RFC3: variants seen among roughly 807,000 people sequenced by gnomAD.
RFC3 encodes A1 38 kDa subunit.
In RFC3, 41 loss-of-function variants were observed where a neutral mutation model predicts 45.1. The ratio of observed to expected loss-of-function variants is 0.91; its 90% CI spans 0.71 to 1.18. The LOEUF (loss-of-function observed/expected upper bound fraction) is 1.18. Among genes scored for constraint, RFC3 ranks in the 50% most tolerant of loss-of-function variants. The pLI is 0.00. For synonymous variants in RFC3, 149 were observed against 144.0 expected (o/e 1.03, Z -0.25); for missense variants, 423 against 428.1 (o/e 0.99, Z 0.10).
chr13:33,834,165 T>TC (rs1467219893), intron 7 of RFC3, among the ~76,000 whole-genome samples: 4 of 150,066 alleles, frequency 2.7e-5, no homozygotes, highest in Admixed American at 6.7e-5. Context: ...TTTTTTTTTT[T>TC]CCCCCACTTT....
At chr13:33,897,310 A>G (rs1308828361) in intron 8 of RFC3, among the ~76,000 whole-genome samples, 3 of 151,968 alleles carry the variant, frequency 2.0e-5, no homozygotes, top group African/African-American at 4.8e-5. Context: ...CTTTGTTTCT[A>G]TTTTTTGTGT....
At chr13:33,865,354 T>C (rs2082366580) in intron 8 of RFC3, among the ~76,000 whole-genome samples, 1 of 152,224 alleles carries the variant, frequency 6.6e-6, no homozygotes, top group African/African-American at 2.4e-5. Flanking sequence ...TCCTTTGTGC[T>C]CACCCTCTCT....
intron 8 of RFC3, among the ~76,000 whole-genome samples, chr13:33,866,018 C>T (rs1312889558): frequency 6.6e-6 from 1 of 152,126 alleles, no homozygotes; most frequent in Non-Finnish European, 1.5e-5. Context: ...GAGATCATGC[C>T]ATTGCACTCC....
intron 8 of RFC3, among the ~76,000 whole-genome samples, chr13:33,949,847 G>T (rs535030487): frequency 2.0e-5 from 3 of 152,192 alleles, no homozygotes; most frequent in Admixed American, 1.3e-4. Flanking sequence ...AGGTAAGAGA[G>T]AATTTCTCTT....
intron 8 of RFC3, among the ~76,000 whole-genome samples, chr13:33,958,767 A>T (rs1378489541): frequency 1.3e-5 from 2 of 152,172 alleles, no homozygotes; most frequent in Admixed American, 1.3e-4. Context: ...CCTTACTTGC[A>T]GAGATGAATA....
chr13:33,917,864 A>C lies in RFC3; in HGVS notation c.880-48223A>C, dbSNP rs80158548. On this transcript the variant is annotated intron_variant, in intron 8 of 8. Transcript: ENST00000434425. The stretch of plus-strand genomic sequence containing the variant: ...CCACTTGAATTTTGTTTAAAAAAAA[A>C]CAAACAAACAGGAAACCTTCACTTG... 3.6e-3 allele frequency among the ~76,000 whole-genome samples: 546 copies of C among 152,068 alleles called. 1 individual carries two copies. The highest frequency in any genetic ancestry group is 6.4e-3 in the Admixed American group (97 of 15,252).
At chr13:33,888,968 T>C (rs2082546057) in intron 8 of RFC3, among the ~76,000 whole-genome samples, 1 of 152,116 alleles carries the variant, frequency 6.6e-6, no homozygotes, top group Non-Finnish European at 1.5e-5. Context: ...ATGGTCTCAA[T>C]CTCCTGACCT....
At chr13:33,820,543 A>G (rs1430757232) in intron 1 of RFC3, among the ~76,000 whole-genome samples, 1 of 152,170 alleles carries the variant, frequency 6.6e-6, no homozygotes, top group Non-Finnish European at 1.5e-5. Context: ...TCAACTTGAC[A>G]ACACACTCTT....
the RFC3 span, among the ~76,000 whole-genome samples, chr13:33,975,021 A>G: frequency 6.6e-6 from 1 of 152,226 alleles, no homozygotes; most frequent in Admixed American, 6.5e-5. Flanking sequence ...TTGTCTTACC[A>G]TATAATCCAG....
chr13:33,885,704 C>G (rs928790920), intron 8 of RFC3, among the ~76,000 whole-genome samples: 1 of 152,156 alleles, frequency 6.6e-6, no homozygotes, highest in South Asian at 2.1e-4. Context: ...ATTATTAACA[C>G]TCAAGTGCAG....
At chr13:33,845,514 C>T (rs768686008) in intron 8 of RFC3, among the ~76,000 whole-genome samples, 1 of 152,070 alleles carries the variant, frequency 6.6e-6, no homozygotes, top group African/African-American at 2.4e-5. Flanking sequence ...AGCCTGTCTT[C>T]AAGCTCATTA....
intron 8 of RFC3, among the ~76,000 whole-genome samples, chr13:33,876,131 A>G (rs1012382306): frequency 6.6e-6 from 1 of 152,006 alleles, no homozygotes; most frequent in African/African-American, 2.4e-5. Flanking sequence ...GTATTATTTC[A>G]GTTCCCACTC....
chr13:33,924,035 T>C (rs1234378564), intron 8 of RFC3, among the ~76,000 whole-genome samples: 1 of 152,098 alleles, frequency 6.6e-6, no homozygotes, highest in East Asian at 1.9e-4. Context: ...TTTCTTAGAC[T>C]TCTGGTTCAG....
chr13:33,943,103 T>C (rs1044726752), intron 8 of RFC3, among the ~76,000 whole-genome samples: 2 of 152,226 alleles, frequency 1.3e-5, no homozygotes, highest in African/African-American at 2.4e-5. Flanking sequence ...TGAACTAGTA[T>C]GTTTATTAAT....
chr13:33,899,386 A>C (rs1049472820), intron 8 of RFC3, among the ~76,000 whole-genome samples: 3 of 151,896 alleles, frequency 2.0e-5, no homozygotes, highest in Admixed American at 2.0e-4. Context: ...AACATACGCA[A>C]ATCAGTAAAT....
chr13:33,926,150 T>C (rs868719978), intron 8 of RFC3, among the ~76,000 whole-genome samples: 3 of 141,052 alleles, frequency 2.1e-5, no homozygotes, highest in East Asian at 2.1e-4. Flanking sequence ...TAGGTGGGAA[T>C]TGAACAATGA....
At chr13:33,834,464 T>C (rs974538387) in intron 7 of RFC3, among the ~76,000 whole-genome samples, 31 of 150,878 alleles carry the variant, frequency 2.1e-4, no homozygotes, top group Non-Finnish European at 4.3e-4. Context: ...CCCTAGAATA[T>C]GAGAAGGGCC....
intron 8 of RFC3, among the ~76,000 whole-genome samples, chr13:33,922,105 G>A (rs1490200550): frequency 6.6e-6 from 1 of 151,300 alleles, no homozygotes; most frequent in African/African-American, 2.4e-5. Context: ...ATCCACAAGC[G>A]AGAATTAGGA....
chr13:33,836,557 G>A lies in RFC3; in HGVS notation c.*262G>A, dbSNP rs1315663296. ...TTTACTTTAAGCATTGGTTATTCAA[G>A]TATTCATTGTTGATCCTCCTATTCT... On this transcript the variant is annotated 3_prime_UTR_variant, in exon 9 of 9. Coordinates refer to ENST00000380071, the MANE Select transcript of RFC3 (RefSeq NM_002915.4). The A allele has an allele frequency of 8.7e-7, 1 of 1,148,800 alleles. No homozygotes were observed. The highest frequency in any genetic ancestry group is 1.1e-6 in the Non-Finnish European group (1 of 930,192). 71.2% of individuals were successfully genotyped at this position (1,148,800 alleles called of 1,614,324 possible). A position where few individuals can be genotyped will look rare whatever the true frequency, so the allele number is the denominator to read the frequency against.
Sources: allele counts gnomAD v4.1 joint callset (sites outside exome capture counted in the v4.1 genomes callset), GRCh38; gene constraint gnomAD v4.1.1; transcripts MANE v1.5; gene names NCBI Gene and HGNC (gene_info 2026-07-23, HGNC 2026-07-21).